INPP4B: variants seen among roughly 807,000 people sequenced by gnomAD.
INPP4B encodes inositol polyphosphate-4-phosphatase type II B, also known as inositol polyphosphate 4-phosphatase type II.
A neutral mutation model predicts 122.5 loss-of-function variants in INPP4B; 55 were observed. The ratio of observed to expected loss-of-function variants is 0.45; its 90% CI spans 0.36 to 0.56. The LOEUF (loss-of-function observed/expected upper bound fraction) is 0.56. Ranked by LOEUF, INPP4B falls within the 20% of genes least tolerant of loss-of-function variation. INPP4B has a pLI of 0.00. For synonymous variants in INPP4B, 403 were observed against 388.7 expected, an observed-to-expected ratio of 1.04 and a Z score of -0.43; for missense variants, 1,000 against 1,097.7, an observed-to-expected ratio of 0.91 and a Z score of 1.26.
chr4:142,492,661 C>A (rs1033026700), intron 2 of INPP4B, among the ~76,000 whole-genome samples: 5 of 152,040 alleles, frequency 3.3e-5, no homozygotes, highest in African/African-American at 1.2e-4. Flanking sequence ...GAACTTTGAA[C>A]TTGAGAGAGA....
rs534466683 is a variant in INPP4B, at chr4:142,049,388, G to A, written c.2643-20474C>T. On this transcript the variant is annotated intron_variant, in intron 25 of 25. Coordinates refer to ENST00000262992, the MANE Select transcript of INPP4B (RefSeq NM_001101669.3). ...ATAGGAAGTTTATGTCTGGTTTTAT[G>A]TTTGTATATCTACAAGAAACATAAT... is the stretch of plus-strand genomic sequence containing the variant. Among the ~76,000 whole-genome samples, 33 of 152,128 alleles carry A rather than the reference G, an allele frequency of 2.2e-4. 1 individual carries two copies. Among genetic ancestry groups the A allele is most frequent in the Middle Eastern group, 6.8e-3 (2 of 294 alleles).
rs1321869031 is a variant in INPP4B at position 142,803,150 on chromosome 4, C to A, written c.-254+43059G>T. 1.5e-4 allele frequency among the ~76,000 whole-genome samples: 18 copies of A among 122,982 alleles called. No individual in the cohort carries two copies. In the Admixed American group the frequency reaches 1.7e-3, roughly 11 times the overall value. 80.7% of individuals were successfully genotyped at this position (122,982 alleles called of 152,430 possible). On this transcript the variant is annotated intron_variant, in intron 1 of 25. Coordinates refer to ENST00000262992, the MANE Select transcript of INPP4B (RefSeq NM_001101669.3). ...TTGCACCACTGCACTCCAGCCTAGG[C>A]AACAGAGTGAGACTACGTCTCAAAA... is the stretch of plus-strand genomic sequence containing the variant.
At chr4:142,750,636 G>A (rs186617703) in intron 1 of INPP4B, among the ~76,000 whole-genome samples, 300 of 152,228 alleles carry the variant, frequency 2.0e-3, no homozygotes, top group African/African-American at 6.8e-3. Context: ...TCACCTGGAT[G>A]TAATGGGAAG....
chr4:142,793,464 A>G (rs1358446582), intron 1 of INPP4B, among the ~76,000 whole-genome samples: 7 of 152,138 alleles, frequency 4.6e-5, no homozygotes, highest in Non-Finnish European at 1.5e-5. Flanking sequence ...AATTCACGGC[A>G]AAACAAAGCA....
chr4:142,827,462 C>CA (rs568932623), intron 1 of INPP4B, among the ~76,000 whole-genome samples: 39 of 152,154 alleles, frequency 2.6e-4, no homozygotes, highest in Middle Eastern at 3.4e-3. Context: ...TACCATTCAC[C>CA]AAAAAAGGTG....
chr4:142,091,946 G>A (rs75141529), intron 23 of INPP4B, among the ~76,000 whole-genome samples: 1 of 152,134 alleles, frequency 6.6e-6, no homozygotes, highest in South Asian at 2.1e-4. Context: ...CCCACACTAA[G>A]TGGCAGATAC....
intron 7 of INPP4B, among the ~76,000 whole-genome samples, chr4:142,319,337 A>C (rs975599484): frequency 6.6e-6 from 1 of 152,200 alleles, no homozygotes; most frequent in African/African-American, 2.4e-5. Flanking sequence ...TGTCTCTGAT[A>C]ATGAATGTGT....
At chr4:142,815,550 C>A (rs1780018503) in intron 1 of INPP4B, among the ~76,000 whole-genome samples, 1 of 152,080 alleles carries the variant, frequency 6.6e-6, no homozygotes. Flanking sequence ...CAATTACCTT[C>A]ATGCTATTCA....
At chr4:142,323,848 T>G (rs1356007523) in intron 7 of INPP4B, among the ~76,000 whole-genome samples, 3 of 149,978 alleles carry the variant, frequency 2.0e-5, no homozygotes, top group African/African-American at 7.4e-5. Flanking sequence ...GCAGGTAAGG[T>G]GAGGGGTAGG....
chr4:142,153,604 C>T (rs533391211), intron 17 of INPP4B, among the ~76,000 whole-genome samples: 39 of 152,198 alleles, frequency 2.6e-4, no homozygotes, highest in Non-Finnish European at 4.1e-4. Flanking sequence ...AAAATCATTA[C>T]ATTATTTTAC....
chr4:142,758,832 A>C (rs986571844), intron 1 of INPP4B, among the ~76,000 whole-genome samples: 1 of 151,886 alleles, frequency 6.6e-6, no homozygotes, highest in African/African-American at 2.4e-5. Flanking sequence ...GTACACTTGT[A>C]GTTCCAGCTA....
Position 142,249,083 on chromosome 4 carries a change from C to G in INPP4B, c.689-11072G>C, listed in dbSNP as rs114743737. 5.6e-3 allele frequency among the ~76,000 whole-genome samples: 855 copies of G among 152,028 alleles called. 9 individuals are homozygous for G. The highest frequency in any genetic ancestry group is 0.02 in the African/African-American group (822 of 41,506). ...GCTGTGAAGCAAGATGTACAAATAC[C>G]GGTAAGTTCTCCACATAGGAGGGCA... On this transcript the variant is annotated intron_variant, in intron 11 of 25. Coordinates refer to ENST00000262992, the MANE Select transcript of INPP4B (RefSeq NM_001101669.3).
intron 19 of INPP4B, 100 bp from the exon 20 acceptor site, chr4:142,123,515 C>T (rs1797451051): frequency 1.8e-6 from 2 of 1,105,418 alleles, no homozygotes; most frequent in Non-Finnish European, 1.3e-6. Context: ...ATTCGATTAT[C>T]AGGTATGTAT....
chr4:142,836,475 A>G lies in INPP4B; in HGVS notation c.-254+9734T>C, dbSNP rs549238993. 3.9e-5 allele frequency among the ~76,000 whole-genome samples: 6 copies of G among 152,200 alleles called. No individual in the cohort carries two copies. In the South Asian group the frequency reaches 1.2e-3, roughly 32 times the overall value. On this transcript the variant is annotated intron_variant, in intron 1 of 25. Transcript: ENST00000262992. ...AGAAAAATAAAATGTAATATGAGGT[A>G]ATAGAAGCACAAACAAGTGGGAAAT...
chr4:142,413,318 C>G (rs1391000084), intron 5 of INPP4B, among the ~76,000 whole-genome samples: 1 of 151,808 alleles, frequency 6.6e-6, no homozygotes, highest in African/African-American at 2.4e-5. Context: ...AAAAGGTCAG[C>G]GGATAAAAGC....
rs184519876 is a variant in INPP4B at position 142,680,545 on chromosome 4, G to C, written c.-191+45294C>G. Among the ~76,000 whole-genome samples the C allele has an allele frequency of 7.0e-4, 106 of 151,586 alleles. 1 individual carries two copies. In the East Asian group the frequency reaches 0.015, roughly 22 times the overall value. ...AAGATGCAAAATTCTAGAATCAAAG[G>C]GTTCTACTTGACATGAAACAGTTTT... On this transcript the variant is annotated intron_variant, in intron 2 of 25. Coordinates refer to ENST00000262992, the MANE Select transcript of INPP4B (RefSeq NM_001101669.3).
chr4:142,108,728 C>G (rs989864508), intron 22 of INPP4B, among the ~76,000 whole-genome samples: 1 of 152,058 alleles, frequency 6.6e-6, no homozygotes, highest in Non-Finnish European at 1.5e-5. Context: ...TCGTTCATAC[C>G]ATGAAGTCAA....
At chr4:142,668,699 T>C (rs1191849591) in intron 2 of INPP4B, among the ~76,000 whole-genome samples, 2 of 152,132 alleles carry the variant, frequency 1.3e-5, no homozygotes, top group African/African-American at 2.4e-5. Context: ...TTTTGTACAC[T>C]AACAGTGAAC....
At chr4:142,220,384 C>T (rs1848893084) in intron 12 of INPP4B, among the ~76,000 whole-genome samples, 1 of 152,112 alleles carries the variant, frequency 6.6e-6, no homozygotes, top group East Asian at 1.9e-4. Flanking sequence ...GAAAGCCAAC[C>T]AACATAACAA....
Sources: allele counts gnomAD v4.1 joint callset (sites outside exome capture counted in the v4.1 genomes callset), GRCh38; gene constraint gnomAD v4.1.1; transcripts MANE v1.5; gene names NCBI Gene and HGNC (gene_info 2026-07-23, HGNC 2026-07-21).